Variants in FARSB observed in about 807,000 individuals in gnomAD.
The protein encoded by FARSB is phenylalanine--tRNA ligase beta subunit.
Under a neutral mutation model 69.6 loss-of-function variants are expected in FARSB, and 40 were observed. That is an observed-to-expected ratio of 0.57 (90% CI 0.45 to 0.75). The LOEUF (loss-of-function observed/expected upper bound fraction) is 0.75, where lower values mean the gene tolerates loss of function less well. FARSB is among the 30% of genes least tolerant of loss of function. The pLI is 0.00. For missense variants in FARSB, 632 were observed against 722.9 expected (o/e 0.87, Z 1.44); for synonymous variants, 235 against 247.2 (o/e 0.95, Z 0.46).
intron 1 of FARSB, among the ~76,000 whole-genome samples, chr2:222,652,173 C>T (rs1692054301): frequency 6.6e-6 from 1 of 152,200 alleles, no homozygotes; most frequent in African/African-American, 2.4e-5. Context: ...GAAGGAACTA[C>T]ACCCAAGGAG....
At chr2:222,597,077 G>A (rs1267023375) in intron 16 of FARSB, among the ~76,000 whole-genome samples, 3 of 152,146 alleles carry the variant, frequency 2.0e-5, no homozygotes, top group Admixed American at 1.3e-4. Context: ...AGAGCTAGAT[G>A]TGTGCCCAGG....
intron 1 of FARSB, 88 bp downstream of exon 1, chr2:222,655,928 G>A (rs543681097): frequency 5.4e-5 from 58 of 1,082,866 alleles, no homozygotes; most frequent in Non-Finnish European, 7.7e-5. Flanking sequence ...CCTTCAGGAA[G>A]GCATGAATGT....
chr2:222,587,976 T>G (rs1280545087), intron 16 of FARSB, among the ~76,000 whole-genome samples: 1 of 151,930 alleles, frequency 6.6e-6, no homozygotes, highest in Non-Finnish European at 1.5e-5. Context: ...CCAATCAATA[T>G]AAAAAGAGGA....
intron 16 of FARSB, among the ~76,000 whole-genome samples, chr2:222,584,014 G>A (rs1257565713): frequency 1.3e-5 from 2 of 152,130 alleles, no homozygotes; most frequent in African/African-American, 4.8e-5. Context: ...CATGAGAACG[G>A]ACTAATACAG....
chr2:222,651,372 G>A (rs1249910730), intron 1 of FARSB, among the ~76,000 whole-genome samples: 1 of 152,148 alleles, frequency 6.6e-6, no homozygotes, highest in African/African-American at 2.4e-5. Flanking sequence ...GGATGTTGGG[G>A]ATTTAAAAAA....
At chr2:222,621,592 C>T (rs1340886172) in intron 13 of FARSB, among the ~76,000 whole-genome samples, 1 of 152,122 alleles carries the variant, frequency 6.6e-6, no homozygotes, top group Non-Finnish European at 1.5e-5. Flanking sequence ...AGTAAATGAA[C>T]CTTATAGTTT....
chr2:222,619,849 T>TATTCTCTA, intron 13 of FARSB, 112 bp from the exon 14 acceptor site: 1 of 588,440 alleles, frequency 1.7e-6, no homozygotes, highest in Non-Finnish European at 3.1e-6. Flanking sequence ...TCTACACATA[T>TATTCTCTA]CAGCAAGTTA....
At chr2:222,594,554 A>ATATACAG (rs1690362194) in intron 16 of FARSB, among the ~76,000 whole-genome samples, 1 of 152,186 alleles carries the variant, frequency 6.6e-6, no homozygotes, top group Non-Finnish European at 1.5e-5. Flanking sequence ...AATAATACAT[A>ATATACAG]TATACAGTAT....
chr2:222,614,808 C>T (rs964548096), intron 14 of FARSB, among the ~76,000 whole-genome samples: 28 of 152,128 alleles, frequency 1.8e-4, no homozygotes, highest in Non-Finnish European at 5.9e-5. Context: ...CACTGCTCTC[C>T]AGCCTAGGCA....
chr2:222,636,149 G>A (rs550980807), intron 5 of FARSB, among the ~76,000 whole-genome samples: 1 of 151,810 alleles, frequency 6.6e-6, no homozygotes, highest in Non-Finnish European at 1.5e-5. Context: ...GCTCATGCCT[G>A]TAATCCCAGC....
chr2:222,595,333 G>A (rs183820774), intron 16 of FARSB, among the ~76,000 whole-genome samples: 2 of 152,186 alleles, frequency 1.3e-5, no homozygotes, highest in African/African-American at 4.8e-5. Flanking sequence ...CCAGTGTGAT[G>A]ACCAGGGAAA....
chr2:222,575,871 G>A (rs182801424), intron 16 of FARSB, among the ~76,000 whole-genome samples: 57 of 152,222 alleles, frequency 3.7e-4, no homozygotes, highest in Admixed American at 3.5e-3. Flanking sequence ...ATCCAGCACA[G>A]CACCCAGGCT....
chr2:222,572,063 G>A (rs1485751549), intron 16 of FARSB, 41 bp from the exon 17 acceptor site: 2 of 1,581,064 alleles, frequency 1.3e-6, no homozygotes, highest in Non-Finnish European at 1.7e-6. Context: ...TGTTTCTTCT[G>A]GCAAAACATC....
chr2:222,624,169 C>T (rs890589306), intron 12 of FARSB, 103 bp downstream of exon 12: 2 of 794,244 alleles, frequency 2.5e-6, no homozygotes, highest in Non-Finnish European at 4.4e-6. Context: ...AGAGCATGTC[C>T]AAATACTGCT....
intron 15 of FARSB, among the ~76,000 whole-genome samples, chr2:222,607,508 G>C (rs1214290286): frequency 6.6e-6 from 1 of 152,072 alleles, no homozygotes; most frequent in Non-Finnish European, 1.5e-5. Context: ...GACAGGTAAA[G>C]TATATCCCAT....
chr2:222,572,234 GA>G (rs1353004004), intron 16 of FARSB, among the ~76,000 whole-genome samples: 3 of 152,102 alleles, frequency 2.0e-5, no homozygotes, highest in Admixed American at 6.5e-5. Flanking sequence ...GGGCAAATAT[GA>G]AAATAAGGGC....
intron 1 of FARSB, among the ~76,000 whole-genome samples, chr2:222,654,991 G>GT (rs1298004482): frequency 6.6e-6 from 1 of 152,168 alleles, no homozygotes; most frequent in African/African-American, 2.4e-5. Context: ...GAGGTCAGGA[G>GT]TTTAAGACCA....
chr2:222,590,092 A>G (rs1346046861), intron 16 of FARSB, among the ~76,000 whole-genome samples: 1 of 152,196 alleles, frequency 6.6e-6, no homozygotes, highest in Non-Finnish European at 1.5e-5. Context: ...ACTATTCACA[A>G]TAGCAAAGAC....
Position 222,656,016 on chromosome 2 carries a change from T to G in FARSB, c.58A>C (p.Thr20Pro). Residue 20 changes from threonine (T) to proline (P), a missense_variant and splice_region_variant, in exon 1 of 17, where the codon ACT becomes CCT. Transcript: ENST00000281828. ...CCCAACGTATAGGGCCGCCACTCACTGTAGGTGCGGCCCAGGGCTTGGAAG... is the reference window on the plus strand; with the variant it reads ...CCCAACGTATAGGGCCGCCACTCACGGTAGGTGCGGCCCAGGGCTTGGAAG... The part of the protein sequence containing the change: ...LLFQALGRTY[T>P]DEEFDELCFE... 3 of 1,595,724 alleles carry G rather than the reference T, an allele frequency of 1.9e-6. No individual in the cohort carries two copies. Among genetic ancestry groups the G allele is most frequent in the Admixed American group, 1.7e-5 (1 of 57,674 alleles).
Sources: allele counts gnomAD v4.1 joint callset (sites outside exome capture counted in the v4.1 genomes callset), GRCh38; gene constraint gnomAD v4.1.1; transcripts MANE v1.5; gene names NCBI Gene and HGNC (gene_info 2026-07-23, HGNC 2026-07-21).